CTC1: variants seen among roughly 807,000 people sequenced by gnomAD.
CTC1 encodes the protein CST complex subunit CTC1.
Under a neutral mutation model 136.3 loss-of-function variants are expected in CTC1, and 91 were observed. The observed-to-expected ratio is 0.67, with a 90% confidence interval of 0.56 to 0.79. The LOEUF (loss-of-function observed/expected upper bound fraction) is 0.79. Ranked by LOEUF, CTC1 falls within the 30% of genes least tolerant of loss-of-function variation. CTC1 has a pLI of 0.00. For synonymous variants in CTC1, 606 were observed against 613.8 expected (o/e 0.99, Z 0.19); for missense variants, 1,432 against 1,498.1 (o/e 0.96, Z 0.73).
intron 7 of CTC1, among the ~76,000 whole-genome samples, chr17:8,235,537 C>G (rs1486842767): frequency 1.3e-5 from 2 of 152,156 alleles, no homozygotes; most frequent in African/African-American, 4.8e-5. Flanking sequence ...AGGCTTCTCA[C>G]CGGGTCGCCT....
chr17:8,236,208 C>T lies in CTC1; in HGVS notation c.927G>A (p.Leu309=). 1.9e-6 allele frequency: 3 copies of T among 1,614,240 alleles called. No individual in the cohort carries two copies. The highest frequency in any genetic ancestry group is 2.5e-6 in the Non-Finnish European group (3 of 1,180,044). Residue 309 remains leucine, a synonymous_variant, in exon 6 of 23, where the codon CTG becomes CTA. Coordinates refer to ENST00000651323, the MANE Select transcript of CTC1 (RefSeq NM_025099.6). The stretch of plus-strand genomic sequence containing the variant: ...GCTCCTGCACACATTCTGGTTTCAG[C>T]AGCAACAGACGGGAGGACTGACTGG... The part of the protein sequence containing the change: ...WMTSQSSRLL[L]LKPECVQELE...
rs537693453 is a variant in CTC1 at position 8,226,245 on chromosome 17, G to A, written c.*1935C>T. 7 of 152,388 alleles carry A rather than the reference G, an allele frequency of 4.6e-5. No individual in the cohort carries two copies. Among genetic ancestry groups the A allele is most frequent in the African/African-American group, 7.2e-5 (3 of 41,566 alleles). 9.4% of individuals were successfully genotyped at this position (152,388 alleles called of 1,614,324 possible). A position where few individuals can be genotyped will look rare whatever the true frequency, so the allele number is the denominator to read the frequency against. On this transcript the variant is annotated 3_prime_UTR_variant, in exon 23 of 23. Coordinates refer to ENST00000651323, the MANE Select transcript of CTC1 (RefSeq NM_025099.6). ...GTTTCAATTGAATAAAGGCACCGCTGGGATTCGAACCCAGGATCTCCTGTT... is the reference window on the plus strand; with the variant it reads ...GTTTCAATTGAATAAAGGCACCGCTAGGATTCGAACCCAGGATCTCCTGTT...
At chr17:8,233,179 G>C in intron 10 of CTC1, 147 bp from the exon 11 acceptor site, 2 of 806,638 alleles carry the variant, frequency 2.5e-6, no homozygotes, top group Non-Finnish European at 1.9e-6. Flanking sequence ...TATTCAAGTG[G>C]GGAAGACAGA....
intron 11 of CTC1, 148 bp downstream of exon 11, chr17:8,232,758 C>T (rs1987354095): frequency 4.7e-6 from 5 of 1,065,934 alleles, no homozygotes; most frequent in African/African-American, 1.6e-5. Flanking sequence ...TGTTCTCTGC[C>T]TGCCATACAA....
In CTC1 at chr17:8,228,760, G is replaced by T. The variant is rs760797988; in HGVS notation, c.3354C>A (p.Val1118=). The T allele has an allele frequency of 2.5e-6, 4 of 1,614,100 alleles. No homozygotes were observed. The highest frequency in any genetic ancestry group is 3.4e-6 in the Non-Finnish European group (4 of 1,179,992). Residue 1118 remains valine (V), a synonymous_variant, in exon 21 of 23, where the codon GTC becomes GTA. Transcript: ENST00000651323. The stretch of plus-strand genomic sequence containing the variant: ...GGGCTCCAGGCCCTGCAAACTGCAA[G>T]ACCACTCTGCCTGGCACTTGGACGA... ...LDFVQVPGRV[V]LQFAGPGAQL...
intron 10 of CTC1, among the ~76,000 whole-genome samples, chr17:8,233,752 A>G (rs1987444588): frequency 6.6e-6 from 1 of 152,112 alleles, no homozygotes; most frequent in Non-Finnish European, 1.5e-5. Flanking sequence ...TGGGTGACAG[A>G]GCAAGATTCT....
At chr17:8,230,539 T>C in intron 16 of CTC1, 24 bp downstream of exon 16, 1 of 1,613,676 alleles carries the variant, frequency 6.2e-7, no homozygotes, top group Non-Finnish European at 8.5e-7. Flanking sequence ...TTTCATACCT[T>C]CCCCACAAAG....
chr17:8,229,775 A>C (rs908106106), intron 18 of CTC1, 116 bp downstream of exon 18: 7 of 829,926 alleles, frequency 8.4e-6, no homozygotes, highest in African/African-American at 6.8e-5. Context: ...CTGACTCAAC[A>C]CATCTTGTTG....
At chr17:8,232,821 C>G (rs1193520559) in intron 11 of CTC1, 85 bp downstream of exon 11, 1 of 1,541,434 alleles carries the variant, frequency 6.5e-7, no homozygotes, top group African/African-American at 1.4e-5. Context: ...TCTAGTAAAT[C>G]CCAGCAGGCT....
intron 2 of CTC1, among the ~76,000 whole-genome samples, chr17:8,242,553 AATATATAT>A (rs1242237744): frequency 3.5e-4 from 21 of 60,384 alleles, no homozygotes; most frequent in South Asian, 3.0e-3. Flanking sequence ...AAAAAAAAAA[AATATATAT>A]ATATATATAT....
intron 1 of CTC1, among the ~76,000 whole-genome samples, chr17:8,246,949 T>G (rs909653994): frequency 2.0e-5 from 3 of 149,552 alleles, no homozygotes; most frequent in South Asian, 2.1e-4. Flanking sequence ...TCCTTTAGAT[T>G]GTATTTTCTT....
rs759039342 is a variant in CTC1, at chr17:8,228,500, T to C, written c.3514+3A>G. 9.9e-6 allele frequency: 16 copies of C among 1,613,896 alleles called. No homozygotes were observed. The East Asian group carries it at 3.6e-4, about 36-fold the overall frequency. ...ATCATGATCCCCCCGTCTCCAACCTTACCTAATGGGACGATCTTCGACGGT... is the reference window on the plus strand; with the variant it reads ...ATCATGATCCCCCCGTCTCCAACCTCACCTAATGGGACGATCTTCGACGGT... On this transcript the variant is annotated splice_donor_region_variant and intron_variant, in intron 22 of 22. Transcript: ENST00000651323.
Position 8,228,778 on chromosome 17 carries a change from T to G in CTC1, c.3336A>C (p.Gln1112His). The G allele has an allele frequency of 6.2e-7, 1 of 1,614,128 alleles. No individual in the cohort carries two copies. The stretch of plus-strand genomic sequence containing the variant: ...ACTGCAAGACCACTCTGCCTGGCAC[T>G]TGGACGAAATCTAGGAGGGAGGCCC... ...REWASLLDFV[Q>H]VPGRVVLQFA... Residue 1112 changes from glutamine to histidine, a missense_variant, in exon 21 of 23, where the codon CAA becomes CAC. Transcript: ENST00000651323.
At chr17:8,240,806 G>A (rs1377348526) in intron 2 of CTC1, among the ~76,000 whole-genome samples, 1 of 152,088 alleles carries the variant, frequency 6.6e-6, no homozygotes, top group Non-Finnish European at 1.5e-5. Flanking sequence ...AATCTGGGAG[G>A]CGGAGGTTGC....
chr17:8,238,353 G>T, intron 3 of CTC1, 39 bp downstream of exon 3: 1 of 1,584,970 alleles, frequency 6.3e-7, no homozygotes, highest in Non-Finnish European at 8.6e-7. Context: ...CACCATTCTT[G>T]TCAGGATCTG....
Position 8,232,010 on chromosome 17 carries a change from C to A in CTC1, c.2278G>T (p.Ala760Ser). 6.2e-7 allele frequency: 1 copy of A among 1,602,128 alleles called. No individual in the cohort carries two copies. The highest frequency in any genetic ancestry group is 8.5e-7 in the Non-Finnish European group (1 of 1,174,970). ...PGASPEVPKP[A>S]LSFYVLGSWL... ...CTCCCCAACACATAGAAACTGAGGGCGGGCTTGGGCACCTCTGGACTTGCT... is the reference window on the plus strand; with the variant it reads ...CTCCCCAACACATAGAAACTGAGGGAGGGCTTGGGCACCTCTGGACTTGCT... The change falls in exon 13 of 23, where the codon GCC becomes TCC. Residue 760 changes from alanine to serine, a missense_variant. By Grantham distance (99) the Ala-to-Ser change is moderately conservative. Coordinates refer to ENST00000651323, the MANE Select transcript of CTC1 (RefSeq NM_025099.6).
rs911311428 is a variant in CTC1 at position 8,248,053 on chromosome 17, G to A, written c.-17C>T. ...AGCCGCCATGATGCGCCGGAGCTCCGCCCCCGGGAGGGGCAGGTGCTCGCT... is the reference window on the plus strand; with the variant it reads ...AGCCGCCATGATGCGCCGGAGCTCCACCCCCGGGAGGGGCAGGTGCTCGCT... On this transcript the variant is annotated 5_prime_UTR_variant, in exon 1 of 23. Transcript: ENST00000651323. 1 of 1,088,690 alleles carries A rather than the reference G, an allele frequency of 9.2e-7. No individual in the cohort carries two copies. Among genetic ancestry groups the A allele is most frequent in the South Asian group, 1.3e-5 (1 of 78,386 alleles). The allele number at this position is 1,088,690 out of a possible 1,614,324, so 67.4% of individuals were successfully genotyped here.
chr17:8,234,399 G>A (rs2151516609), intron 10 of CTC1, 56 bp downstream of exon 10: 3 of 1,476,682 alleles, frequency 2.0e-6, no homozygotes, highest in East Asian at 2.5e-5. Context: ...CTAGAGTCGT[G>A]GCAATAAGGA....
At position 8,238,093 on chromosome 17, in the gene CTC1, A is replaced by G; in HGVS notation, c.585T>C (p.Pro195=). Residue 195 remains proline (P), a synonymous_variant, in exon 4 of 23, where the codon CCT becomes CCC. Coordinates refer to ENST00000651323, the MANE Select transcript of CTC1 (RefSeq NM_025099.6). ...PVPVFPLTIS[P]GPVTPIPVLY... is the part of the protein sequence containing the mutation. Reference sequence around the variant, plus strand: ...GGACAGGGATAGGCGTGACGGGGCCAGGACTGATGGTCAAAGGAAACACTG... The same window carrying G: ...GGACAGGGATAGGCGTGACGGGGCCGGGACTGATGGTCAAAGGAAACACTG... The G allele has an allele frequency of 6.2e-7, 1 of 1,614,196 alleles. No individual in the cohort carries two copies. Among genetic ancestry groups the G allele is most frequent in the Non-Finnish European group, 8.5e-7 (1 of 1,180,024 alleles).
Sources: gnomAD v4.1 joint callset for allele counts (sites outside exome capture counted in the v4.1 genomes callset) on GRCh38, gnomAD v4.1.1 for gene constraint, MANE v1.5 for transcripts, NCBI Gene and HGNC (gene_info 2026-07-23, HGNC 2026-07-21) for gene names.